Variants in NBEA observed in about 807,000 individuals in gnomAD.
NBEA encodes the protein neurobeachin.
A neutral mutation model predicts 343.4 loss-of-function variants in NBEA; 44 were observed. The observed-to-expected ratio is 0.13, with a 90% CI of 0.10 to 0.16. The LOEUF is 0.16. Among genes scored for constraint, NBEA ranks in the 10% least tolerant of loss-of-function variants. The pLI is 1.00. For missense variants in NBEA, 2,555 were observed against 3,631.3 expected (o/e 0.70, Z 7.62); for synonymous variants, 1,175 against 1,238.7 (o/e 0.95, Z 1.08).
intron 57 of NBEA, among the ~76,000 whole-genome samples, chr13:35,668,159 A>T (rs934903030): frequency 1.3e-5 from 2 of 152,222 alleles, no homozygotes; most frequent in Non-Finnish European, 1.5e-5. Flanking sequence ...ATATGTAAGA[A>T]CTTCGATGAA....
At chr13:35,311,451 A>G (rs2037360419) in intron 36 of NBEA, among the ~76,000 whole-genome samples, 1 of 152,128 alleles carries the variant, frequency 6.6e-6, no homozygotes, top group Non-Finnish European at 1.5e-5. Flanking sequence ...TGCTAATATC[A>G]GAGATTTTAA....
At chr13:35,594,367 A>G (rs905965150) in intron 47 of NBEA, among the ~76,000 whole-genome samples, 2 of 152,104 alleles carry the variant, frequency 1.3e-5, no homozygotes, top group East Asian at 3.9e-4. Flanking sequence ...GTAAAAGGCA[A>G]TTTCAGTGTT....
chr13:35,195,751 T>G, intron 30 of NBEA, 113 bp from the exon 31 acceptor site: 1 of 950,238 alleles, frequency 1.1e-6, no homozygotes, highest in African/African-American at 1.7e-5. Context: ...GTTTAGCAAT[T>G]TTTTGTTTCT....
intron 34 of NBEA, among the ~76,000 whole-genome samples, chr13:35,244,521 A>G (rs1467708192): frequency 6.6e-6 from 1 of 151,886 alleles, no homozygotes; most frequent in African/African-American, 2.4e-5. Flanking sequence ...CTATGGCCTT[A>G]TGGTATCATT....
chr13:35,280,202 A>G (rs2034955167), intron 34 of NBEA, among the ~76,000 whole-genome samples: 1 of 152,132 alleles, frequency 6.6e-6, no homozygotes, highest in South Asian at 2.1e-4. Flanking sequence ...TTTAGCTTAT[A>G]AACTATTTAC....
intron 33 of NBEA, among the ~76,000 whole-genome samples, chr13:35,229,312 A>G (rs2074839542): frequency 6.6e-6 from 1 of 152,268 alleles, no homozygotes; most frequent in East Asian, 1.9e-4. Flanking sequence ...AATTATAGGT[A>G]TGAGCCACCA....
intron 1 of NBEA, among the ~76,000 whole-genome samples, chr13:34,983,840 A>G (rs1471937417): frequency 6.6e-6 from 1 of 152,098 alleles, no homozygotes; most frequent in Non-Finnish European, 1.5e-5. Context: ...GTGTCTGTTC[A>G]TATCCTTTGC....
At chr13:35,382,630 A>C (rs1361229024) in intron 38 of NBEA, among the ~76,000 whole-genome samples, 1 of 152,166 alleles carries the variant, frequency 6.6e-6, no homozygotes, top group African/African-American at 2.4e-5. Context: ...ATTTCTACAT[A>C]AGCCTATATG....
chr13:35,472,783 G>A (rs1015709516), intron 41 of NBEA, among the ~76,000 whole-genome samples: 9 of 152,206 alleles, frequency 5.9e-5, no homozygotes, highest in Middle Eastern at 6.8e-3. Flanking sequence ...TTTGCATTTG[G>A]GCAGATTTGG....
At chr13:35,463,039 A>G (rs1467499311) in intron 40 of NBEA, among the ~76,000 whole-genome samples, 1 of 152,222 alleles carries the variant, frequency 6.6e-6, no homozygotes, top group Non-Finnish European at 1.5e-5. Context: ...AATGGAAACC[A>G]GTGAGATCAC....
At chr13:35,437,907 C>T (rs771527283) in intron 39 of NBEA, among the ~76,000 whole-genome samples, 1 of 152,038 alleles carries the variant, frequency 6.6e-6, no homozygotes, top group East Asian at 1.9e-4. Context: ...TTGTAGTTGT[C>T]GAAGAATGGT....
In NBEA at chr13:35,485,946, A is replaced by C. The variant is rs1301086372; in HGVS notation, c.6585+13410A>C. Among the ~76,000 whole-genome samples the C allele has an allele frequency of 5.9e-4, 89 of 152,046 alleles. 2 individuals are homozygous for C. The highest frequency in any genetic ancestry group is 1.9e-4 in the Non-Finnish European group (13 of 67,976). ...TCTGGGTAAGACATACTTCACAACC[A>C]CTTTAGAGTGTGTATTTGAACTCTG... On this transcript the variant is annotated intron_variant, in intron 41 of 58. Transcript: ENST00000379939.
intron 41 of NBEA, among the ~76,000 whole-genome samples, chr13:35,514,156 G>A (rs1467468388): frequency 1.3e-5 from 2 of 151,718 alleles, no homozygotes; most frequent in East Asian, 3.9e-4. Flanking sequence ...TATAAAAGAA[G>A]CCCTTGAGGT....
At chr13:35,555,414 A>G (rs891858686) in intron 44 of NBEA, among the ~76,000 whole-genome samples, 2 of 152,156 alleles carry the variant, frequency 1.3e-5, no homozygotes, top group Non-Finnish European at 2.9e-5. Context: ...AAGTAATTTC[A>G]CTACTTTGTC....
rs1233244630 is a variant in NBEA at position 35,001,226 on chromosome 13, T to G, written c.295-39707T>G. Among the ~76,000 whole-genome samples, 3 of 152,172 alleles carry G rather than the reference T, an allele frequency of 2.0e-5. No homozygotes were observed. In the East Asian group the frequency reaches 5.8e-4, roughly 29 times the overall value. ...AACTCTTATACATGGTTGGTAGGAA[T>G]GTACATTAATACAACCATTATGGAC... On this transcript the variant is annotated intron_variant, in intron 1 of 58. Transcript: ENST00000379939.
At chr13:35,195,281 A>G (rs2152741381) in intron 30 of NBEA, among the ~76,000 whole-genome samples, 1 of 152,222 alleles carries the variant, frequency 6.6e-6, no homozygotes, top group South Asian at 2.1e-4. Context: ...TATAGGAACT[A>G]TTTCCTGATG....
At chr13:34,988,641 G>A (rs775363472) in intron 1 of NBEA, among the ~76,000 whole-genome samples, 47 of 151,064 alleles carry the variant, frequency 3.1e-4, no homozygotes, top group African/African-American at 1.0e-3. Flanking sequence ...CATTTGCTGC[G>A]GACCAGAGCT....
chr13:34,973,863 G>C (rs73490366), intron 1 of NBEA, among the ~76,000 whole-genome samples: 12,623 of 152,148 alleles, frequency 0.083, 654 homozygotes, highest in African/African-American at 0.13. Context: ...AACCTCCTGC[G>C]TTGCTGGAGT....
intron 41 of NBEA, among the ~76,000 whole-genome samples, chr13:35,484,152 C>T (rs1042234304): frequency 6.6e-6 from 1 of 151,238 alleles, no homozygotes; most frequent in Non-Finnish European, 1.5e-5. Context: ...ATGTCATAAG[C>T]TTTTAATTAT....
Sources: gnomAD v4.1 joint callset for allele counts (sites outside exome capture counted in the v4.1 genomes callset) on GRCh38, gnomAD v4.1.1 for gene constraint, MANE v1.5 for transcripts, NCBI Gene and HGNC (gene_info 2026-07-23, HGNC 2026-07-21) for gene names.